Variants in DNER observed in about 807,000 individuals in gnomAD.
DNER encodes the protein delta and Notch-like epidermal growth factor-related receptor.
Under a neutral mutation model 78.2 loss-of-function variants are expected in DNER, and 33 were observed. That is an observed-to-expected ratio of 0.42 (90% CI 0.32 to 0.56). DNER has a LOEUF of 0.56. Ranked by LOEUF, DNER falls within the 20% of genes least tolerant of loss-of-function variation. DNER has a pLI of 0.11. For synonymous variants in DNER, 417 were observed against 384.8 expected (o/e 1.08, Z -0.98); for missense variants, 918 against 975.3 (o/e 0.94, Z 0.78).
At chr2:229,651,937 C>T (rs780206902) in intron 1 of DNER, among the ~76,000 whole-genome samples, 29 of 151,692 alleles carry the variant, frequency 1.9e-4, no homozygotes, top group African/African-American at 6.0e-4. Flanking sequence ...CAAGGCACTC[C>T]GGTGGTAGAG....
chr2:229,646,047 G>C (rs534507574), intron 1 of DNER, among the ~76,000 whole-genome samples: 36 of 152,332 alleles, frequency 2.4e-4, no homozygotes, highest in African/African-American at 8.7e-4. Flanking sequence ...TGACAATGTG[G>C]ATTCTAATCT....
intron 8 of DNER, among the ~76,000 whole-genome samples, chr2:229,439,994 T>G (rs1367541015): frequency 6.6e-6 from 1 of 152,116 alleles, no homozygotes; most frequent in Non-Finnish European, 1.5e-5. Flanking sequence ...AGTCAGGGAG[T>G]GGTGGGAGCA....
chr2:229,684,896 G>A (rs973943249), intron 1 of DNER, among the ~76,000 whole-genome samples: 1 of 152,136 alleles, frequency 6.6e-6, no homozygotes, highest in Non-Finnish European at 1.5e-5. Flanking sequence ...CTTTTTTGAA[G>A]AATTATAATG....
intron 10 of DNER, among the ~76,000 whole-genome samples, chr2:229,406,290 T>TGG (rs999295448): frequency 4.6e-5 from 7 of 152,154 alleles, no homozygotes; most frequent in African/African-American, 1.7e-4. Flanking sequence ...CCTTCTTCTG[T>TGG]GGGTACTTGA....
intron 4 of DNER, among the ~76,000 whole-genome samples, chr2:229,566,935 T>G (rs138553051): frequency 6.2e-4 from 95 of 152,284 alleles, no homozygotes; most frequent in African/African-American, 2.2e-3. Flanking sequence ...TCATTGTCAC[T>G]AGGATCCCAT....
intron 1 of DNER, among the ~76,000 whole-genome samples, chr2:229,692,787 G>A (rs1482475404): frequency 6.6e-6 from 1 of 152,038 alleles, no homozygotes; most frequent in Non-Finnish European, 1.5e-5. Flanking sequence ...AAACTGAATG[G>A]AATGTATTTG....
At chr2:229,504,079 T>G (rs1453800556) in intron 6 of DNER, among the ~76,000 whole-genome samples, 2 of 152,018 alleles carry the variant, frequency 1.3e-5, no homozygotes, top group Non-Finnish European at 2.9e-5. Flanking sequence ...TGATCTGTGT[T>G]TGAAAACCAG....
At chr2:229,383,565 T>A (rs896870434) in intron 11 of DNER, among the ~76,000 whole-genome samples, 1 of 152,020 alleles carries the variant, frequency 6.6e-6, no homozygotes, top group Non-Finnish European at 1.5e-5. Flanking sequence ...GATGGAGGAA[T>A]ATTTACCAAG....
At chr2:229,608,758 T>C (rs1574925841) in intron 1 of DNER, among the ~76,000 whole-genome samples, 1 of 152,082 alleles carries the variant, frequency 6.6e-6, no homozygotes, top group Non-Finnish European at 1.5e-5. Context: ...GTAGTGGCAG[T>C]GAGGGTGGCG....
intron 1 of DNER, among the ~76,000 whole-genome samples, chr2:229,619,324 G>A (rs958582160): frequency 5.3e-5 from 8 of 151,886 alleles, no homozygotes; most frequent in South Asian, 2.1e-4. Context: ...TTTTGAACAC[G>A]TTATCTAACA....
intron 4 of DNER, among the ~76,000 whole-genome samples, chr2:229,575,279 C>G (rs191414325): frequency 6.6e-6 from 1 of 152,082 alleles, no homozygotes; most frequent in Admixed American, 6.5e-5. Flanking sequence ...CCAGGCAATC[C>G]CCCACGTAAT....
intron 5 of DNER, among the ~76,000 whole-genome samples, chr2:229,542,542 T>C (rs1452183155): frequency 6.6e-6 from 1 of 152,028 alleles, no homozygotes; most frequent in Non-Finnish European, 1.5e-5. Flanking sequence ...TAAAAAGACA[T>C]AAAAATGATG....
At chr2:229,526,937 G>A (rs1696222390) in intron 5 of DNER, among the ~76,000 whole-genome samples, 1 of 152,190 alleles carries the variant, frequency 6.6e-6, no homozygotes, top group Non-Finnish European at 1.5e-5. Context: ...TGCACACACT[G>A]CAGCAAAAGC....
chr2:229,543,371 G>A (rs1696555054), intron 5 of DNER, among the ~76,000 whole-genome samples: 1 of 152,122 alleles, frequency 6.6e-6, no homozygotes, highest in Non-Finnish European at 1.5e-5. Context: ...TCCAGGCAGA[G>A]CCTTCTAGCT....
chr2:229,621,853 AG>A (rs1275921603), intron 1 of DNER, among the ~76,000 whole-genome samples: 3 of 152,314 alleles, frequency 2.0e-5, no homozygotes, highest in Admixed American at 2.0e-4. Context: ...TGGGAGGCCG[AG>A]GCGGGCGGAT....
At chr2:229,373,427 T>C (rs533219477) in intron 11 of DNER, among the ~76,000 whole-genome samples, 8 of 152,130 alleles carry the variant, frequency 5.3e-5, no homozygotes, top group African/African-American at 1.9e-4. Flanking sequence ...ATGGCGATGA[T>C]TAAAAAGTCA....
chr2:229,545,582 T>C (rs1696612856), intron 5 of DNER, among the ~76,000 whole-genome samples: 1 of 151,994 alleles, frequency 6.6e-6, no homozygotes, highest in South Asian at 2.1e-4. Flanking sequence ...TCAAAAAATA[T>C]ATATATTTTA....
chr2:229,596,522 C>G (rs1469339314), intron 1 of DNER, among the ~76,000 whole-genome samples: 1 of 152,152 alleles, frequency 6.6e-6, no homozygotes, highest in Non-Finnish European at 1.5e-5. Context: ...TTCTCTGGTC[C>G]TCGGAGACCA....
chr2:229,713,244 C>T lies in DNER; in HGVS notation c.276+904G>A, dbSNP rs993181052. ...CGTACACACAGTCCTACCAAATTGC[C>T]TACTGGAAATGTTGATGTTAATAGG... On this transcript the variant is annotated intron_variant, in intron 1 of 12. Transcript: ENST00000341772. Among the ~76,000 whole-genome samples the T allele has an allele frequency of 2.6e-5, 4 of 152,344 alleles. No homozygotes were observed. In the South Asian group the frequency reaches 8.3e-4, roughly 32 times the overall value.
Sources: allele counts gnomAD v4.1 joint callset (sites outside exome capture counted in the v4.1 genomes callset), GRCh38; gene constraint gnomAD v4.1.1; transcripts MANE v1.5; gene names NCBI Gene and HGNC (gene_info 2026-07-23, HGNC 2026-07-21).